EPHA6: variants seen among roughly 807,000 people sequenced by gnomAD.
EPHA6 encodes EPH receptor A6.
EPHA6 carries 50 observed loss-of-function variants against 112.0 expected under a neutral mutation model. The ratio of observed to expected loss-of-function variants is 0.45; its 90% CI spans 0.36 to 0.56. EPHA6 has a LOEUF of 0.56. Among genes scored for constraint, EPHA6 ranks in the 20% least tolerant of loss-of-function variants. EPHA6 has a pLI of 0.00. For missense variants in EPHA6, 1,280 were observed against 1,417.4 expected (o/e 0.90, Z 1.56); for synonymous variants, 529 against 490.7 (o/e 1.08, Z -1.03).
chr3:97,681,316 C>A (rs1290936610), intron 14 of EPHA6, among the ~76,000 whole-genome samples: 2 of 152,070 alleles, frequency 1.3e-5, no homozygotes, highest in Admixed American at 1.3e-4. Flanking sequence ...GAACACCTGG[C>A]AGTATCTCAA....
chr3:97,018,490 G>T (rs2044341191), intron 3 of EPHA6, among the ~76,000 whole-genome samples: 1 of 152,170 alleles, frequency 6.6e-6, no homozygotes, highest in Admixed American at 6.5e-5. Context: ...TGATAGGTAA[G>T]GCCACGTGGG....
chr3:97,042,285 C>G (rs2045344200), intron 3 of EPHA6, among the ~76,000 whole-genome samples: 1 of 152,030 alleles, frequency 6.6e-6, no homozygotes, highest in South Asian at 2.1e-4. Context: ...TGCTCTCTCC[C>G]TTTTTCCTGC....
intron 3 of EPHA6, among the ~76,000 whole-genome samples, chr3:97,115,546 T>C (rs528338387): frequency 1.8e-4 from 27 of 151,904 alleles, no homozygotes; most frequent in Admixed American, 3.3e-4. Flanking sequence ...CTATATGAAG[T>C]TGGAAATTTG....
chr3:96,845,774 G>A (rs766293274), intron 1 of EPHA6, among the ~76,000 whole-genome samples: 10 of 151,964 alleles, frequency 6.6e-5, no homozygotes, highest in Non-Finnish European at 1.5e-4. Context: ...TCATTGAATT[G>A]TGGAGCATCT....
At chr3:96,936,699 G>A (rs1483023973) in intron 2 of EPHA6, among the ~76,000 whole-genome samples, 1 of 151,952 alleles carries the variant, frequency 6.6e-6, no homozygotes, top group Non-Finnish European at 1.5e-5. Flanking sequence ...ATGTTGGTGT[G>A]CTGCACCCAT....
intron 12 of EPHA6, among the ~76,000 whole-genome samples, chr3:97,606,856 C>G (rs1272172847): frequency 1.3e-5 from 2 of 150,980 alleles, no homozygotes; most frequent in Non-Finnish European, 1.5e-5. Context: ...GATTAAATAA[C>G]TGGTCCAAAG....
At chr3:97,293,649 G>C (rs2080774950) in intron 5 of EPHA6, among the ~76,000 whole-genome samples, 1 of 152,210 alleles carries the variant, frequency 6.6e-6, no homozygotes, top group Non-Finnish European at 1.5e-5. Flanking sequence ...GTGGCCATGG[G>C]TGGGCCTGGA....
intron 16 of EPHA6, among the ~76,000 whole-genome samples, chr3:97,740,232 C>T (rs919918004): frequency 6.6e-6 from 1 of 152,112 alleles, no homozygotes; most frequent in Non-Finnish European, 1.5e-5. Context: ...ACATGGAAGT[C>T]TACTGAGTGC....
At chr3:97,685,025 TAAC>T (rs1157054231) in intron 14 of EPHA6, among the ~76,000 whole-genome samples, 3 of 152,166 alleles carry the variant, frequency 2.0e-5, no homozygotes, top group African/African-American at 7.2e-5. Context: ...CACAAATCTA[TAAC>T]AATAGTGCTA....
chr3:97,246,699 C>T (rs930056900), intron 5 of EPHA6, among the ~76,000 whole-genome samples: 17 of 151,602 alleles, frequency 1.1e-4, no homozygotes, highest in African/African-American at 3.9e-4. Context: ...AGGTCCTAAA[C>T]CAACTAAAAT....
intron 13 of EPHA6, among the ~76,000 whole-genome samples, chr3:97,631,776 G>C (rs1320855732): frequency 1.3e-5 from 2 of 151,896 alleles, no homozygotes; most frequent in Non-Finnish European, 1.5e-5. Flanking sequence ...TCATCTACCA[G>C]TTATAGTGTC....
intron 10 of EPHA6, among the ~76,000 whole-genome samples, chr3:97,519,396 T>C (rs1392413901): frequency 6.6e-6 from 1 of 152,246 alleles, no homozygotes; most frequent in Non-Finnish European, 1.5e-5. Flanking sequence ...AATAGTGTTA[T>C]ATCTTTTGAA....
intron 2 of EPHA6, among the ~76,000 whole-genome samples, chr3:96,897,211 A>ACACACACAC (rs1559810632): frequency 3.5e-5 from 5 of 143,422 alleles, no homozygotes; most frequent in African/African-American, 1.2e-4. Flanking sequence ...TGTATATACA[A>ACACACACAC]ACACACACAC....
At chr3:97,101,856 T>A (rs2047413434) in intron 3 of EPHA6, among the ~76,000 whole-genome samples, 1 of 152,096 alleles carries the variant, frequency 6.6e-6, no homozygotes, top group Non-Finnish European at 1.5e-5. Context: ...ATCAGACAGA[T>A]CTGTATTCAG....
intron 2 of EPHA6, among the ~76,000 whole-genome samples, chr3:96,872,540 A>G (rs950046210): frequency 1.4e-4 from 22 of 152,046 alleles, no homozygotes; most frequent in Admixed American, 1.4e-3. Context: ...CATTCTCTGA[A>G]TTTTGTTTGA....
intron 2 of EPHA6, among the ~76,000 whole-genome samples, chr3:96,978,578 G>C (rs1305216718): frequency 1.3e-5 from 2 of 151,730 alleles, no homozygotes; most frequent in Non-Finnish European, 2.9e-5. Context: ...CTATATTCTT[G>C]AATAAGATGA....
intron 1 of EPHA6, among the ~76,000 whole-genome samples, chr3:96,839,649 G>C (rs901529103): frequency 1.6e-4 from 25 of 151,998 alleles, no homozygotes; most frequent in Admixed American, 4.6e-4. Context: ...CCCTGGAAAT[G>C]AGGAATGCTA....
At chr3:97,554,430 T>C (rs948900277) in intron 11 of EPHA6, among the ~76,000 whole-genome samples, 1 of 152,150 alleles carries the variant, frequency 6.6e-6, no homozygotes, top group Non-Finnish European at 1.5e-5. Context: ...TTTTTTTTAA[T>C]TTAACAGCTA....
At chr3:97,198,281 TGTG>T (rs1451673595) in intron 3 of EPHA6, among the ~76,000 whole-genome samples, 1 of 152,126 alleles carries the variant, frequency 6.6e-6, no homozygotes, top group Non-Finnish European at 1.5e-5. Context: ...TTTAAGGCAT[TGTG>T]GTATTTGAAA....
Sources: allele counts gnomAD v4.1 joint callset (sites outside exome capture counted in the v4.1 genomes callset), GRCh38; gene constraint gnomAD v4.1.1; transcripts MANE v1.5; gene names NCBI Gene and HGNC (gene_info 2026-07-23, HGNC 2026-07-21).